The following PLXDC2 variants were observed in gnomAD, a reference collection of about 807,000 sequenced individuals.
The protein encoded by PLXDC2 is plexin domain-containing protein 2.
Under a neutral mutation model 68.9 loss-of-function variants are expected in PLXDC2, and 40 were observed. The observed-to-expected ratio is 0.58, with a 90% CI of 0.45 to 0.76. The LOEUF is 0.76. Among genes scored for constraint, PLXDC2 ranks in the 30% least tolerant of loss-of-function variants. The probability of loss-of-function intolerance (pLI) is 0.00; values close to 1 mark genes in which losing one functional copy is unlikely to be tolerated. For synonymous variants in PLXDC2, 243 were observed against 234.2 expected (o/e 1.04, Z -0.34); for missense variants, 644 against 661.9 (o/e 0.97, Z 0.30).
intron 1 of PLXDC2, among the ~76,000 whole-genome samples, chr10:19,844,668 T>C (rs983327459): frequency 6.6e-6 from 1 of 152,114 alleles, no homozygotes; most frequent in Non-Finnish European, 1.5e-5. Context: ...TGACCATGTC[T>C]CACTGCAACC....
intron 7 of PLXDC2, among the ~76,000 whole-genome samples, chr10:20,174,854 A>G (rs753442006): frequency 4.6e-5 from 7 of 152,112 alleles, no homozygotes; most frequent in Non-Finnish European, 1.0e-4. Context: ...TAAACATTTG[A>G]CAGCCTCTGC....
Position 19,979,357 on chromosome 10 carries a change from G to A in PLXDC2, c.113-22418G>A, listed in dbSNP as rs114745681. 8.0e-3 allele frequency among the ~76,000 whole-genome samples: 1,210 copies of A among 151,338 alleles called. 20 individuals are homozygous for A. The highest frequency in any genetic ancestry group is 0.028 in the African/African-American group (1,147 of 41,220). On this transcript the variant is annotated intron_variant, in intron 1 of 13. Coordinates refer to ENST00000377252, the MANE Select transcript of PLXDC2 (RefSeq NM_032812.9). Reference sequence around the variant, plus strand: ...TAAGCTTTACTTCTTCCTTTCATCTGTCTATCAATAGATAGATAGATAGAT... The same window carrying A: ...TAAGCTTTACTTCTTCCTTTCATCTATCTATCAATAGATAGATAGATAGAT...
chr10:20,005,579 T>C (rs1030084015), intron 2 of PLXDC2, among the ~76,000 whole-genome samples: 5 of 152,150 alleles, frequency 3.3e-5, no homozygotes, highest in African/African-American at 1.2e-4. Flanking sequence ...CAGCATCTGC[T>C]TGGCTTCTGG....
intron 2 of PLXDC2, among the ~76,000 whole-genome samples, chr10:20,029,859 C>A (rs1206562074): frequency 6.6e-6 from 1 of 152,162 alleles, no homozygotes; most frequent in Non-Finnish European, 1.5e-5. Flanking sequence ...AAGCTCTCTT[C>A]TTTTGTTCTG....
intron 9 of PLXDC2, among the ~76,000 whole-genome samples, chr10:20,208,701 TA>T (rs1835026479): frequency 6.6e-6 from 1 of 152,102 alleles, no homozygotes; most frequent in South Asian, 2.1e-4. Flanking sequence ...GTTTGGTAAT[TA>T]AGACATAAGT....
At chr10:19,971,091 T>C (rs1834344189) in intron 1 of PLXDC2, among the ~76,000 whole-genome samples, 1 of 152,162 alleles carries the variant, frequency 6.6e-6, no homozygotes, top group Admixed American at 6.6e-5. Context: ...TTAGATATGA[T>C]TTAATATAAT....
At chr10:19,907,223 A>G (rs766676443) in intron 1 of PLXDC2, among the ~76,000 whole-genome samples, 5 of 152,210 alleles carry the variant, frequency 3.3e-5, no homozygotes, top group African/African-American at 4.8e-5. Context: ...GTGACTCTCC[A>G]TGATCATTTC....
intron 9 of PLXDC2, among the ~76,000 whole-genome samples, chr10:20,199,800 C>G (rs1260651975): frequency 2.0e-5 from 3 of 151,536 alleles, no homozygotes; most frequent in South Asian, 2.1e-4. Context: ...TGTGACTACT[C>G]AAGGAAAAAA....
intron 1 of PLXDC2, among the ~76,000 whole-genome samples, chr10:19,991,334 C>G (rs1448568113): frequency 1.4e-5 from 2 of 138,482 alleles, no homozygotes; most frequent in African/African-American, 5.4e-5. Context: ...ATTTCTATTT[C>G]TCATCATTTT....
At chr10:20,071,996 G>C (rs143679172) in intron 4 of PLXDC2, among the ~76,000 whole-genome samples, 2 of 152,270 alleles carry the variant, frequency 1.3e-5, no homozygotes, top group African/African-American at 4.8e-5. Flanking sequence ...CCTGAAGAGA[G>C]GGTTGGAATG....
At chr10:20,006,702 C>T (rs1835033767) in intron 2 of PLXDC2, among the ~76,000 whole-genome samples, 2 of 152,204 alleles carry the variant, frequency 1.3e-5, no homozygotes, top group Non-Finnish European at 1.5e-5. Context: ...TGGCTCTTCA[C>T]AAGAACAGAT....
At chr10:20,057,164 A>T (rs762822685) in intron 3 of PLXDC2, among the ~76,000 whole-genome samples, 1 of 152,236 alleles carries the variant, frequency 6.6e-6, no homozygotes, top group Non-Finnish European at 1.5e-5. Flanking sequence ...TCCTAAAGTT[A>T]TTAAATGATA....
At chr10:20,089,718 A>G (rs2131729240) in intron 4 of PLXDC2, among the ~76,000 whole-genome samples, 1 of 152,304 alleles carries the variant, frequency 6.6e-6, no homozygotes, top group Admixed American at 6.5e-5. Flanking sequence ...CCAAGGTGAA[A>G]GACTACAAAG....
At chr10:19,973,005 A>G (rs904151944) in intron 1 of PLXDC2, among the ~76,000 whole-genome samples, 2 of 152,266 alleles carry the variant, frequency 1.3e-5, no homozygotes. Context: ...TAACTTTTCT[A>G]TGGTGGAAGC....
chr10:20,240,062 T>C (rs1367460295), intron 12 of PLXDC2, among the ~76,000 whole-genome samples: 1 of 152,206 alleles, frequency 6.6e-6, no homozygotes, highest in South Asian at 2.1e-4. Context: ...GGTAGTTTTT[T>C]AATCCTCACC....
At chr10:20,028,831 T>G (rs1375698841) in intron 2 of PLXDC2, among the ~76,000 whole-genome samples, 3 of 152,226 alleles carry the variant, frequency 2.0e-5, no homozygotes, top group Non-Finnish European at 2.9e-5. Flanking sequence ...TGTTCCACCC[T>G]ATTTTCTAGA....
intron 9 of PLXDC2, among the ~76,000 whole-genome samples, chr10:20,207,958 C>T (rs1249713892): frequency 2.0e-5 from 3 of 151,934 alleles, no homozygotes; most frequent in Non-Finnish European, 4.4e-5. Context: ...TAATCTCTGG[C>T]AAGGGTTCTT....
intron 2 of PLXDC2, among the ~76,000 whole-genome samples, chr10:20,014,543 T>C (rs896124601): frequency 4.6e-5 from 7 of 151,970 alleles, no homozygotes; most frequent in African/African-American, 1.7e-4. Flanking sequence ...GGACACCTTC[T>C]TGAAGCAGCT....
At chr10:19,969,038 A>G (rs1834308414) in intron 1 of PLXDC2, among the ~76,000 whole-genome samples, 1 of 152,252 alleles carries the variant, frequency 6.6e-6, no homozygotes, top group Non-Finnish European at 1.5e-5. Flanking sequence ...GCTTTATTTA[A>G]TTAGAATTTT....
Sources: gnomAD v4.1 joint callset for allele counts (sites outside exome capture counted in the v4.1 genomes callset) on GRCh38, gnomAD v4.1.1 for gene constraint, MANE v1.5 for transcripts, NCBI Gene and HGNC (gene_info 2026-07-23, HGNC 2026-07-21) for gene names.